ARHGEF38: variants seen among roughly 807,000 people sequenced by gnomAD.
The protein encoded by ARHGEF38 is Rho guanine nucleotide exchange factor 38.
ARHGEF38 carries 79 observed loss-of-function variants against 79.9 expected under a neutral mutation model. That is an observed-to-expected ratio of 0.99 (90% CI 0.82 to 1.19). ARHGEF38 has a LOEUF of 1.19. Among genes scored for constraint, ARHGEF38 ranks in the 50% most tolerant of loss-of-function variants. The pLI, the probability that ARHGEF38 is intolerant of heterozygous loss-of-function variation, is 0.00. For synonymous variants in ARHGEF38, 366 were observed against 328.3 expected, an observed-to-expected ratio of 1.11 and a Z score of -1.24; for missense variants, 962 against 907.2, an observed-to-expected ratio of 1.06 and a Z score of -0.78.
In ARHGEF38 at chr4:105,561,404, A is replaced by AGAATG. The variant is rs1560684091; in HGVS notation, c.196+8447_196+8448insGGAAT. On this transcript the variant is annotated intron_variant, in intron 1 of 13. Coordinates refer to ENST00000420470, the MANE Select transcript of ARHGEF38 (RefSeq NM_001242729.2). ...AGTCTCAAAAATAGAGTAGAATAAT[A>AGAATG]GAATAGAATAGAATAGAATGGAATA... Among the ~76,000 whole-genome samples the AGAATG allele has an allele frequency of 3.5e-3, 134 of 37,798 alleles. 5 individuals are homozygous for AGAATG. The highest frequency in any genetic ancestry group is 6.2e-3 in the African/African-American group (59 of 9,576). 24.8% of individuals were successfully genotyped at this position (37,798 alleles called of 152,430 possible).
At chr4:105,603,613 C>T (rs1727916036) in intron 2 of ARHGEF38, among the ~76,000 whole-genome samples, 1 of 152,120 alleles carries the variant, frequency 6.6e-6, no homozygotes, top group Non-Finnish European at 1.5e-5. Context: ...CTTTCCTGAG[C>T]CCCGAGGCAT....
intron 5 of ARHGEF38, among the ~76,000 whole-genome samples, chr4:105,639,113 G>A (rs1400618347): frequency 6.6e-6 from 1 of 151,792 alleles, no homozygotes; most frequent in Admixed American, 6.6e-5. Flanking sequence ...AACTTGTAAT[G>A]TATAGGCCCA....
intron 1 of ARHGEF38, among the ~76,000 whole-genome samples, chr4:105,575,615 T>C (rs981825091): frequency 6.6e-6 from 1 of 152,230 alleles, no homozygotes; most frequent in African/African-American, 2.4e-5. Flanking sequence ...TTTATTCTGA[T>C]GATTATTTCT....
rs776134877 is a variant in ARHGEF38, at chr4:105,589,232, T to C, written c.197-16T>C. The C allele has an allele frequency of 2.5e-6, 4 of 1,600,494 alleles. No individual in the cohort carries two copies. The highest frequency in any genetic ancestry group is 3.4e-6 in the Non-Finnish European group (4 of 1,175,646). ...CTCAGCAGAATGCCTCACCTGTATA[T>C]GTTTTCATTTAACAGAAAAGATGAC... On this transcript the variant is annotated splice_polypyrimidine_tract_variant and intron_variant, in intron 1 of 13. Coordinates refer to ENST00000420470, the MANE Select transcript of ARHGEF38 (RefSeq NM_001242729.2).
intron 1 of ARHGEF38, among the ~76,000 whole-genome samples, chr4:105,570,654 C>T (rs1375637797): frequency 1.3e-5 from 2 of 152,136 alleles, no homozygotes; most frequent in African/African-American, 4.8e-5. Context: ...TAGGGGTAAC[C>T]ATCCTTGTAA....
chr4:105,622,293 T>C (rs1443944457), intron 3 of ARHGEF38, among the ~76,000 whole-genome samples: 6 of 152,060 alleles, frequency 3.9e-5, no homozygotes, highest in Non-Finnish European at 5.9e-5. Context: ...AAGTCACATA[T>C]TGCGCAGGAT....
intron 5 of ARHGEF38, among the ~76,000 whole-genome samples, chr4:105,643,066 C>T (rs986475279): frequency 1.3e-5 from 2 of 150,932 alleles, no homozygotes; most frequent in African/African-American, 4.9e-5. Flanking sequence ...AGAAAATGTC[C>T]TTCATATTTA....
At chr4:105,676,623 A>G (rs1181283623) in intron 13 of ARHGEF38, among the ~76,000 whole-genome samples, 5 of 152,216 alleles carry the variant, frequency 3.3e-5, no homozygotes, top group Non-Finnish European at 7.3e-5. Flanking sequence ...TTGGAAGAAT[A>G]AAGACTTATT....
At chr4:105,638,820 A>C (rs1282570196) in intron 5 of ARHGEF38, among the ~76,000 whole-genome samples, 1 of 152,058 alleles carries the variant, frequency 6.6e-6, no homozygotes, top group African/African-American at 2.4e-5. Context: ...ATTCTGTCTG[A>C]TATATATGCC....
chr4:105,589,786 C>T (rs991472255), intron 2 of ARHGEF38, among the ~76,000 whole-genome samples: 1 of 152,082 alleles, frequency 6.6e-6, no homozygotes, highest in Non-Finnish European at 1.5e-5. Context: ...TAACCCAGCA[C>T]TTTGGGAGGC....
At chr4:105,656,010 T>A (rs1176159738) in intron 9 of ARHGEF38, among the ~76,000 whole-genome samples, 1 of 152,210 alleles carries the variant, frequency 6.6e-6, no homozygotes, top group Non-Finnish European at 1.5e-5. Flanking sequence ...AGTCTGCATG[T>A]GAAATATTAA....
intron 9 of ARHGEF38, among the ~76,000 whole-genome samples, 194 bp downstream of exon 9, chr4:105,655,916 A>G (rs997353642): frequency 5.3e-5 from 8 of 152,206 alleles, no homozygotes; most frequent in African/African-American, 1.9e-4. Flanking sequence ...GGATTTTACT[A>G]TGATGGAAAT....
chr4:105,675,287 T>A (rs1731081200), intron 13 of ARHGEF38, among the ~76,000 whole-genome samples: 1 of 152,208 alleles, frequency 6.6e-6, no homozygotes, highest in Admixed American at 6.5e-5. Context: ...TAATTAAAAA[T>A]ATGTTTCTTC....
intron 13 of ARHGEF38, among the ~76,000 whole-genome samples, chr4:105,671,301 A>G (rs1287231972): frequency 6.6e-6 from 1 of 152,232 alleles, no homozygotes; most frequent in Non-Finnish European, 1.5e-5. Flanking sequence ...ACTGAAGGTG[A>G]ACCCTGTGCA....
At chr4:105,571,418 G>T (rs1359709417) in intron 1 of ARHGEF38, among the ~76,000 whole-genome samples, 1 of 148,706 alleles carries the variant, frequency 6.7e-6, no homozygotes, top group African/African-American at 2.5e-5. Flanking sequence ...CACCTCCCAG[G>T]TTCTCGCCAT....
chr4:105,561,444 A>AGAATGGAATAGAATG (rs1725563345), intron 1 of ARHGEF38: 1 of 42,986 alleles, frequency 2.3e-5, no homozygotes, highest in East Asian at 5.6e-4. Context: ...AGAATAGAAT[A>AGAATGGAATAGAATG]GAATGGAATA....
chr4:105,605,650 C>T (rs551306681), intron 2 of ARHGEF38, among the ~76,000 whole-genome samples: 1 of 152,280 alleles, frequency 6.6e-6, no homozygotes, highest in South Asian at 2.1e-4. Flanking sequence ...GGAAATTTCA[C>T]ACATACAAAT....
At chr4:105,613,240 C>G in intron 2 of ARHGEF38, 144 bp from the exon 3 acceptor site, 2 of 1,108,120 alleles carry the variant, frequency 1.8e-6, no homozygotes, top group Non-Finnish European at 2.4e-6. Flanking sequence ...AAAAACTGCA[C>G]TCTAGAATTC....
chr4:105,611,901 G>A (rs1271389691), intron 2 of ARHGEF38, among the ~76,000 whole-genome samples: 2 of 152,076 alleles, frequency 1.3e-5, no homozygotes, highest in Non-Finnish European at 2.9e-5. Context: ...GATTACAAAT[G>A]AGGCTGTGGG....
Sources: allele counts gnomAD v4.1 joint callset (sites outside exome capture counted in the v4.1 genomes callset), GRCh38; gene constraint gnomAD v4.1.1; transcripts MANE v1.5; gene names NCBI Gene and HGNC (gene_info 2026-07-23, HGNC 2026-07-21).